The following ZFYVE9 variants were observed in gnomAD, a reference collection of about 807,000 sequenced individuals.
The protein encoded by ZFYVE9 is zinc finger FYVE domain-containing protein 9.
In ZFYVE9, 43 loss-of-function variants were observed where a neutral mutation model predicts 126.7. That is an observed-to-expected ratio of 0.34 (90% CI 0.27 to 0.44). The LOEUF (loss-of-function observed/expected upper bound fraction) is 0.44. ZFYVE9 is among the 20% of genes least tolerant of loss of function. ZFYVE9 has a pLI of 1.00. For synonymous variants in ZFYVE9, 521 were observed against 597.4 expected (o/e 0.87, Z 1.87); for missense variants, 1,476 against 1,697.0 (o/e 0.87, Z 2.29).
intron 7 of ZFYVE9, among the ~76,000 whole-genome samples, chr1:52,271,243 A>G (rs1436319864): frequency 6.6e-6 from 1 of 152,202 alleles, no homozygotes; most frequent in Non-Finnish European, 1.5e-5. Flanking sequence ...TCATTATAAG[A>G]CAGGCTAAGC....
intron 12 of ZFYVE9, among the ~76,000 whole-genome samples, chr1:52,302,689 T>C (rs1646046446): frequency 6.6e-6 from 1 of 151,824 alleles, no homozygotes; most frequent in Admixed American, 6.6e-5. Context: ...AGGCAGAGGA[T>C]TCAGTGAGCC....
intron 1 of ZFYVE9, among the ~76,000 whole-genome samples, chr1:52,183,288 A>G (rs1477165314): frequency 2.0e-5 from 3 of 152,140 alleles, no homozygotes; most frequent in Non-Finnish European, 4.4e-5. Context: ...TATATTGGGA[A>G]GTAAACCAGT....
intron 1 of ZFYVE9, among the ~76,000 whole-genome samples, chr1:52,214,196 G>A (rs781386451): frequency 1.2e-4 from 18 of 152,194 alleles, no homozygotes; most frequent in Non-Finnish European, 2.4e-4. Flanking sequence ...GGAGGCTGAG[G>A]CAGGCAGATC....
At chr1:52,268,294 AT>A (rs1180166631) in intron 6 of ZFYVE9, among the ~76,000 whole-genome samples, 168 bp from the exon 7 acceptor site, 1 of 152,236 alleles carries the variant, frequency 6.6e-6, no homozygotes, top group Non-Finnish European at 1.5e-5. Flanking sequence ...TGTATTTTTA[AT>A]TCATTTATAA....
In ZFYVE9 at chr1:52,286,839, ATC is replaced by A. The variant is rs564791392; in HGVS notation, c.3025+5028_3025+5029del. Among the ~76,000 whole-genome samples the A allele has an allele frequency of 1.1e-4, 16 of 152,250 alleles. No homozygotes were observed. The East Asian group carries it at 2.7e-3, about 26-fold the overall frequency. On this transcript the variant is annotated intron_variant, in intron 10 of 18. Coordinates refer to ENST00000287727, the MANE Select transcript of ZFYVE9 (RefSeq NM_004799.4). ...TTTTTAGTCTCATCTCCTGCTAGTCATCTCTCCATACTTCCATTGTAGCCAAA... is the reference window on the plus strand; with the variant it reads ...TTTTTAGTCTCATCTCCTGCTAGTCATCTCCATACTTCCATTGTAGCCAAA...
intron 1 of ZFYVE9, among the ~76,000 whole-genome samples, chr1:52,211,827 G>A (rs1002520670): frequency 1.3e-5 from 2 of 151,982 alleles, no homozygotes; most frequent in Non-Finnish European, 2.9e-5. Context: ...TAAAATCTAT[G>A]GCCAGGATTT....
intron 13 of ZFYVE9, among the ~76,000 whole-genome samples, chr1:52,318,980 C>G (rs1180143168): frequency 6.6e-6 from 1 of 152,070 alleles, no homozygotes; most frequent in Non-Finnish European, 1.5e-5. Flanking sequence ...GCCTGTAGTT[C>G]CAGCTACTCA....
intron 13 of ZFYVE9, among the ~76,000 whole-genome samples, chr1:52,309,406 G>A (rs1332561093): frequency 6.6e-6 from 1 of 152,188 alleles, no homozygotes; most frequent in African/African-American, 2.4e-5. Context: ...CTGAGCCCAG[G>A]AAGTCGAGAC....
chr1:52,204,608 TC>T (rs1311414951), intron 1 of ZFYVE9, among the ~76,000 whole-genome samples: 1 of 151,862 alleles, frequency 6.6e-6, no homozygotes, highest in Non-Finnish European at 1.5e-5. Context: ...GTGCCTGTAA[TC>T]CCAGCTACTC....
intron 1 of ZFYVE9, among the ~76,000 whole-genome samples, chr1:52,209,171 G>A (rs1240189167): frequency 2.6e-5 from 4 of 152,152 alleles, no homozygotes; most frequent in Admixed American, 6.5e-5. Flanking sequence ...ACACAAGATC[G>A]AAGGGGCACC....
In ZFYVE9 at chr1:52,303,775, A is replaced by G. The variant is rs756817399; in HGVS notation, c.3334-46A>G. The stretch of plus-strand genomic sequence containing the variant: ...ATTTTATTACTATAAATTAAACCCT[A>G]CCATTGATGAATTAATTTATTCTGC... On this transcript the variant is annotated intron_variant, in intron 12 of 18. Transcript: ENST00000287727. 8.2e-6 allele frequency: 10 copies of G among 1,221,568 alleles called. No individual in the cohort carries two copies. In the South Asian group the frequency reaches 1.8e-4, roughly 22 times the overall value. 75.7% of individuals were successfully genotyped at this position (1,221,568 alleles called of 1,614,324 possible).
At chr1:52,306,745 C>T (rs531597363) in intron 13 of ZFYVE9, among the ~76,000 whole-genome samples, 1 of 152,352 alleles carries the variant, frequency 6.6e-6, no homozygotes, top group South Asian at 2.1e-4. Context: ...ACCACATTCC[C>T]TGGTGGCAGC....
intron 1 of ZFYVE9, among the ~76,000 whole-genome samples, chr1:52,184,463 C>G (rs940582603): frequency 1.4e-5 from 2 of 146,104 alleles, no homozygotes; most frequent in African/African-American, 5.1e-5. Context: ...CCAGGCTGGC[C>G]TTGAACTCCT....
chr1:52,277,038 A>C (rs1645754957), intron 8 of ZFYVE9, among the ~76,000 whole-genome samples: 1 of 152,252 alleles, frequency 6.6e-6, no homozygotes, highest in Non-Finnish European at 1.5e-5. Context: ...TTTTGACTGC[A>C]TAATGCTTTT....
chr1:52,271,425 T>C (rs998450990), intron 7 of ZFYVE9, among the ~76,000 whole-genome samples: 1 of 152,000 alleles, frequency 6.6e-6, no homozygotes, highest in Non-Finnish European at 1.5e-5. Context: ...TAAATGTCTT[T>C]TTATTATTAT....
At chr1:52,163,255 GA>G (rs1644479924) in intron 1 of ZFYVE9, among the ~76,000 whole-genome samples, 1 of 151,882 alleles carries the variant, frequency 6.6e-6, no homozygotes, top group Admixed American at 6.6e-5. Flanking sequence ...AACATTTTTG[GA>G]AAAAACTCTT....
intron 12 of ZFYVE9, among the ~76,000 whole-genome samples, chr1:52,303,078 C>T (rs922969556): frequency 6.6e-6 from 1 of 152,128 alleles, no homozygotes; most frequent in Non-Finnish European, 1.5e-5. Context: ...CCACTGCACT[C>T]CAGCTCGGGC....
At position 52,233,236 on chromosome 1, in the gene ZFYVE9, C is replaced by T. The variant is rs541765164; in HGVS notation, c.30C>T (p.Tyr10=). 3 of 1,586,148 alleles carry T rather than the reference C, an allele frequency of 1.9e-6. No homozygotes were observed. Among genetic ancestry groups the T allele is most frequent in the African/African-American group, 2.7e-5 (2 of 74,502 alleles). ...AGAATTACTTCCAAGCAGAAGCTTA[C>T]AACCTGGACAAGGTGTTAGATGAAT... The part of the protein sequence containing the change: MENYFQAEA[Y]NLDKVLDEFE... Residue 10 remains tyrosine (Y), a synonymous_variant, in exon 3 of 19, where the codon TAC becomes TAT. Coordinates refer to ENST00000287727, the MANE Select transcript of ZFYVE9 (RefSeq NM_004799.4).
intron 2 of ZFYVE9, among the ~76,000 whole-genome samples, chr1:52,218,121 G>A (rs534021917): frequency 6.6e-6 from 1 of 152,116 alleles, no homozygotes; most frequent in South Asian, 2.1e-4. Context: ...AAACTTGAGG[G>A]TCAAAGGACC....
Sources: gnomAD v4.1 joint callset for allele counts (sites outside exome capture counted in the v4.1 genomes callset) on GRCh38, gnomAD v4.1.1 for gene constraint, MANE v1.5 for transcripts, NCBI Gene and HGNC (gene_info 2026-07-23, HGNC 2026-07-21) for gene names.